The following ABCC12 variants were observed in gnomAD, a reference collection of about 807,000 sequenced individuals.
ABCC12 encodes ATP binding cassette subfamily C member 12.
A neutral mutation model predicts 151.1 loss-of-function variants in ABCC12; 142 were observed. That is an observed-to-expected ratio of 0.94 (90% CI 0.82 to 1.08). The LOEUF is 1.08. Ranked by LOEUF, ABCC12 falls within the 50% of genes least tolerant of loss-of-function variation. The pLI, the probability that ABCC12 is intolerant of heterozygous loss-of-function variation, is 0.00. For missense variants in ABCC12, 1,638 were observed against 1,691.1 expected, an observed-to-expected ratio of 0.97 and a Z score of 0.55; for synonymous variants, 645 against 646.4, an observed-to-expected ratio of 1.00 and a Z score of 0.03.
intron 1 of ABCC12, among the ~76,000 whole-genome samples, chr16:48,154,348 T>G (rs929411854): frequency 6.6e-6 from 1 of 152,174 alleles, no homozygotes; most frequent in African/African-American, 2.4e-5. Context: ...GTGGAAAACA[T>G]TTAAAAATGA....
In ABCC12 at chr16:48,140,919, G is replaced by C. The variant is rs1567457543; in HGVS notation, c.425C>G (p.Thr142Arg). 1 of 1,613,366 alleles carries C rather than the reference G, an allele frequency of 6.2e-7. No homozygotes were observed. ...CTGGAGGATTTGGTGAATGAGAACT[G>C]TCTGTAAAACAGCATGGTGGGGAGA... is the stretch of plus-strand genomic sequence containing the variant. ...LCIIMAAIGPTVLIHQILQQT... is the reference protein window; with the variant it reads ...LCIIMAAIGPRVLIHQILQQT... The change falls in exon 6 of 31, where the codon ACA (threonine) becomes AGA (arginine). Residue 142 changes from threonine (T) to arginine (R), a missense_variant and splice_region_variant. Transcript: ENST00000311303.
intron 11 of ABCC12, among the ~76,000 whole-genome samples, chr16:48,127,528 C>T (rs867166210): frequency 6.6e-6 from 1 of 152,122 alleles, no homozygotes; most frequent in South Asian, 2.1e-4. Flanking sequence ...TGGTTAAGAG[C>T]CCAGACTCTG....
At chr16:48,109,138 A>G (rs1237595110) in intron 18 of ABCC12, among the ~76,000 whole-genome samples, 1 of 152,146 alleles carries the variant, frequency 6.6e-6, no homozygotes, top group Admixed American at 6.5e-5. Context: ...CAGAGATGGC[A>G]TTTGGGAGGG....
intron 8 of ABCC12, among the ~76,000 whole-genome samples, chr16:48,137,404 T>C (rs1964646294): frequency 6.6e-6 from 1 of 152,384 alleles, no homozygotes; most frequent in South Asian, 2.1e-4. Context: ...TGGAATCAAA[T>C]TTAATCAAAT....
chr16:48,104,213 G>A lies in ABCC12; in HGVS notation c.2829C>T (p.Ile943=). ...GGACAGCAGGAAACACAGCAGCCAA[G>A]ATCACGAGAATAAACACCACCATAA... ...QFFMVVFILV[I]LAAVFPAVLL... The change falls in exon 22 of 31, where the codon ATC becomes ATT. Residue 943 remains isoleucine, a synonymous_variant. Coordinates refer to ENST00000311303, the MANE Select transcript of ABCC12 (RefSeq NM_001393797.1). 6.2e-7 allele frequency: 1 copy of A among 1,614,220 alleles called. No homozygotes were observed. The highest frequency in any genetic ancestry group is 2.2e-5 in the East Asian group (1 of 44,886).
At chr16:48,112,411 C>T (rs1963728322) in intron 15 of ABCC12, among the ~76,000 whole-genome samples, 1 of 152,150 alleles carries the variant, frequency 6.6e-6, no homozygotes, top group South Asian at 2.1e-4. Context: ...ACCTGGCCAA[C>T]ATGGTGAAAC....
At chr16:48,086,192 C>T (rs910237768) in intron 28 of ABCC12, 1 of 172,612 alleles carries the variant, frequency 5.8e-6, no homozygotes, top group Non-Finnish European at 1.3e-5. Flanking sequence ...CCATGCTCAC[C>T]TGCTGACCCC....
At chr16:48,137,479 TC>T (rs1964649420) in intron 8 of ABCC12, among the ~76,000 whole-genome samples, 1 of 152,122 alleles carries the variant, frequency 6.6e-6, no homozygotes, top group African/African-American at 2.4e-5. Context: ...TCAAAGAGGG[TC>T]CCCTAGTGCT....
At chr16:48,114,426 C>T (rs967866878) in intron 15 of ABCC12, among the ~76,000 whole-genome samples, 3 of 152,162 alleles carry the variant, frequency 2.0e-5, no homozygotes, top group Non-Finnish European at 4.4e-5. Flanking sequence ...CTCTCCACCC[C>T]AGCTTGACTT....
intron 3 of ABCC12, 54 bp from the exon 4 acceptor site, chr16:48,144,119 T>A: frequency 1.9e-6 from 3 of 1,562,396 alleles, no homozygotes; most frequent in Non-Finnish European, 1.7e-6. Context: ...TTGCCCCAAC[T>A]CTCTCTCTGG....
intron 15 of ABCC12, among the ~76,000 whole-genome samples, chr16:48,113,171 A>G (rs1215888528): frequency 2.0e-5 from 3 of 152,246 alleles, no homozygotes; most frequent in African/African-American, 4.8e-5. Context: ...TGAAAGAAGT[A>G]GCTGTGTTCG....
At chr16:48,139,449 C>CT in intron 6 of ABCC12, 113 bp from the exon 7 acceptor site, 1 of 1,209,174 alleles carries the variant, frequency 8.3e-7, no homozygotes, top group Non-Finnish European at 1.1e-6. Context: ...AAAAACTTCT[C>CT]TAAAGCAGGA....
chr16:48,133,244 C>T (rs886732332), intron 9 of ABCC12, among the ~76,000 whole-genome samples: 6 of 152,102 alleles, frequency 3.9e-5, no homozygotes, highest in South Asian at 4.1e-4. Flanking sequence ...GGAGTTGGCC[C>T]GGCACTGTGG....
intron 22 of ABCC12, among the ~76,000 whole-genome samples, chr16:48,103,113 C>T (rs978038567): frequency 6.6e-6 from 1 of 152,164 alleles, no homozygotes; most frequent in African/African-American, 2.4e-5. Context: ...GCGTGAAAAC[C>T]AACAAACCTG....
intron 24 of ABCC12, among the ~76,000 whole-genome samples, chr16:48,091,908 A>G (rs1261756016): frequency 1.3e-5 from 2 of 152,194 alleles, no homozygotes; most frequent in East Asian, 3.9e-4. Context: ...AAGGATCTTG[A>G]TATCATCCTG....
intron 23 of ABCC12, among the ~76,000 whole-genome samples, chr16:48,099,815 G>A (rs897243880): frequency 6.6e-6 from 1 of 152,162 alleles, no homozygotes; most frequent in Non-Finnish European, 1.5e-5. Flanking sequence ...AACAGACTAT[G>A]CCTGAGTGTG....
At position 48,108,424 on chromosome 16, in the gene ABCC12, T is replaced by C. The variant is rs776265596; in HGVS notation, c.2371+16A>G. 1.2e-6 allele frequency: 2 copies of C among 1,604,246 alleles called. No individual in the cohort carries two copies. Among genetic ancestry groups the C allele is most frequent in the Non-Finnish European group, 1.7e-6 (2 of 1,173,074 alleles). ...AATGCAAATTAAATCAAGAAACTTG[T>C]TGTTTTATACTGAACCTCCAGAAGC... On this transcript the variant is annotated intron_variant, in intron 19 of 30. Coordinates refer to ENST00000311303, the MANE Select transcript of ABCC12 (RefSeq NM_001393797.1).
chr16:48,136,506 G>T (rs1964614935), intron 8 of ABCC12, among the ~76,000 whole-genome samples: 1 of 152,208 alleles, frequency 6.6e-6, no homozygotes, highest in African/African-American at 2.4e-5. Context: ...CTACATGCCA[G>T]GTGCTGCACC....
intron 7 of ABCC12, 138 bp downstream of exon 7, chr16:48,139,025 G>A: frequency 9.5e-7 from 1 of 1,049,944 alleles, no homozygotes; most frequent in Middle Eastern, 3.0e-4. Context: ...CCACTACTCT[G>A]TGCCAAAGGA....
Sources: allele counts gnomAD v4.1 joint callset (sites outside exome capture counted in the v4.1 genomes callset), GRCh38; gene constraint gnomAD v4.1.1; transcripts MANE v1.5; gene names NCBI Gene and HGNC (gene_info 2026-07-23, HGNC 2026-07-21).